The following PDE11A variants were observed in gnomAD, a reference collection of about 807,000 sequenced individuals.
PDE11A encodes dual 3',5'-cyclic-AMP and -GMP phosphodiesterase 11A.
Under a neutral mutation model 100.5 loss-of-function variants are expected in PDE11A, and 100 were observed. The ratio of observed to expected loss-of-function variants is 1.00; its 90% CI spans 0.85 to 1.18. The LOEUF is 1.18. Among genes scored for constraint, PDE11A ranks in the 50% most tolerant of loss-of-function variants. The pLI is 0.00. For missense variants in PDE11A, 1,141 were observed against 1,152.6 expected (o/e 0.99, Z 0.15); for synonymous variants, 381 against 420.8 (o/e 0.91, Z 1.16).
chr2:177,913,719 A>C (rs1276771875), intron 2 of PDE11A, among the ~76,000 whole-genome samples: 1 of 152,116 alleles, frequency 6.6e-6, no homozygotes, highest in African/African-American at 2.4e-5. Context: ...ATTCAAAGAG[A>C]ACTTACTTCA....
In PDE11A at chr2:177,784,745, C is replaced by T. The variant is rs139914599; in HGVS notation, c.1738-15372G>A. Among the ~76,000 whole-genome samples the T allele has an allele frequency of 5.6e-4, 86 of 152,264 alleles. No homozygotes were observed. In the East Asian group the frequency reaches 0.017, roughly 29 times the overall value. On this transcript the variant is annotated intron_variant, in intron 9 of 19. Transcript: ENST00000286063. ...GCTGAGTTCCAATTTTGAGGTTTGC[C>T]CTGTGACATCTTTGGCTTATGAAAG... is the stretch of plus-strand genomic sequence containing the variant.
intron 5 of PDE11A, among the ~76,000 whole-genome samples, chr2:177,865,211 G>A (rs2084007118): frequency 6.6e-6 from 1 of 152,062 alleles, no homozygotes; most frequent in Non-Finnish European, 1.5e-5. Context: ...CCAATAGACA[G>A]AGGTTGCCGT....
At chr2:178,013,593 TAAAC>T (rs1458262777) in intron 2 of PDE11A, among the ~76,000 whole-genome samples, 4 of 152,344 alleles carry the variant, frequency 2.6e-5, no homozygotes, top group South Asian at 2.1e-4. Context: ...TCATCAAACT[TAAAC>T]AAACTAATTT....
At chr2:178,090,653 T>G (rs899414805) in intron 2 of PDE11A, among the ~76,000 whole-genome samples, 1 of 152,218 alleles carries the variant, frequency 6.6e-6, no homozygotes, top group Non-Finnish European at 1.5e-5. Flanking sequence ...GGAGTTCAAG[T>G]GCTTTCTCAG....
intron 1 of PDE11A, among the ~76,000 whole-genome samples, chr2:178,038,049 T>A (rs1319106519): frequency 6.6e-6 from 1 of 151,900 alleles, no homozygotes; most frequent in Non-Finnish European, 1.5e-5. Flanking sequence ...AAAAAAAAAA[T>A]TGCTAAGGGT....
rs13385960 is a variant in PDE11A, at chr2:177,964,091, T to C, written c.1071+50211A>G. Among the ~76,000 whole-genome samples, 1,465 of 152,266 alleles carry C rather than the reference T, an allele frequency of 9.6e-3. 30 individuals carry two copies. Among genetic ancestry groups the C allele is most frequent in the African/African-American group, 0.034 (1,411 of 41,558 alleles). ...TCTATTATTTTCCAGGTGATACATATAAATAACTTGAAAAAGTCAAATAAT... is the reference window on the plus strand; with the variant it reads ...TCTATTATTTTCCAGGTGATACATACAAATAACTTGAAAAAGTCAAATAAT... On this transcript the variant is annotated intron_variant, in intron 2 of 19. Coordinates refer to ENST00000286063, the MANE Select transcript of PDE11A (RefSeq NM_016953.4).
rs5836640 is a variant in PDE11A at position 178,028,300 on chromosome 2, C to CAAA, written c.913-13843_913-13841dup. On this transcript the variant is annotated intron_variant, in intron 1 of 19. Coordinates refer to ENST00000286063, the MANE Select transcript of PDE11A (RefSeq NM_016953.4). ...GAAGTTATATAGTCACATGTTCCAT[C>CAAA]AAAAAAAAAAAAAAAAAATGGGGAC... Among the ~76,000 whole-genome samples the CAAA allele has an allele frequency of 5.3e-3, 693 of 131,396 alleles. 30 individuals are homozygous for CAAA. The highest frequency in any genetic ancestry group is 0.021 in the Middle Eastern group (5 of 242). The allele number at this position is 131,396 out of a possible 152,430, so 86.2% of individuals were successfully genotyped here. A position where few individuals can be genotyped will look rare whatever the true frequency, so the allele number is the denominator to read the frequency against.
intron 2 of PDE11A, among the ~76,000 whole-genome samples, chr2:178,084,224 T>G (rs2087321755): frequency 6.6e-6 from 1 of 152,244 alleles, no homozygotes; most frequent in Non-Finnish European, 1.5e-5. Flanking sequence ...AAAGACCATG[T>G]TTATTCTAAC....
At chr2:177,712,339 C>G (rs776702742) in intron 12 of PDE11A, among the ~76,000 whole-genome samples, 5 of 107,012 alleles carry the variant, frequency 4.7e-5, no homozygotes, top group Non-Finnish European at 9.8e-5. Context: ...GAACACAACC[C>G]TTCTTTTTTT....
intron 9 of PDE11A, among the ~76,000 whole-genome samples, chr2:177,801,628 C>T (rs963162582): frequency 6.6e-6 from 1 of 151,796 alleles, no homozygotes; most frequent in African/African-American, 2.4e-5. Context: ...AACAATGGTG[C>T]CAAAGTGATC....
intron 10 of PDE11A, among the ~76,000 whole-genome samples, chr2:177,748,773 C>T (rs1015657984): frequency 2.0e-5 from 3 of 152,134 alleles, no homozygotes; most frequent in Non-Finnish European, 4.4e-5. Context: ...TATTTCTGAT[C>T]GGACCATAAA....
intron 17 of PDE11A, 123 bp from the exon 18 acceptor site, chr2:177,669,690 A>G: frequency 1.4e-6 from 1 of 712,342 alleles, no homozygotes; most frequent in South Asian, 1.5e-5. Context: ...CTTATGAGGA[A>G]GTAAGTATAT....
chr2:177,872,347 G>A lies in PDE11A; in HGVS notation c.1367+3512C>T, dbSNP rs2084150980. On this transcript the variant is annotated intron_variant, in intron 5 of 19. Coordinates refer to ENST00000286063, the MANE Select transcript of PDE11A (RefSeq NM_016953.4). ...ACATAGTGAGAATCCTGTCACTAGA[G>A]GTGTTGCCAGTGATACCCTGGAAGA... Among the ~76,000 whole-genome samples, 3 of 152,306 alleles carry A rather than the reference G, an allele frequency of 2.0e-5. No individual in the cohort carries two copies. In the South Asian group the frequency reaches 6.2e-4, roughly 32 times the overall value.
At chr2:177,685,309 A>G (rs753701412) in intron 15 of PDE11A, among the ~76,000 whole-genome samples, 1 of 152,218 alleles carries the variant, frequency 6.6e-6, no homozygotes, top group Non-Finnish European at 1.5e-5. Flanking sequence ...CACAAAATCT[A>G]TTCAGGAAAA....
At position 178,071,524 on chromosome 2, in the gene PDE11A, A is replaced by T. The variant is rs1475543263; in HGVS notation, c.912+2T>A. On this transcript the variant is annotated splice_donor_variant, in intron 1 of 19. Transcript: ENST00000286063. LOFTEE classifies it high-confidence loss of function. ...GGAGAAGGGGACAATGCAAAGTCCT[A>T]CCTGGTAGGCATCAGGAATGTTGAC... The T allele has an allele frequency of 6.2e-7, 1 of 1,612,618 alleles. No homozygotes were observed. Among genetic ancestry groups the T allele is most frequent in the Non-Finnish European group, 8.5e-7 (1 of 1,178,758 alleles).
intron 9 of PDE11A, among the ~76,000 whole-genome samples, chr2:177,815,922 C>T (rs7569826): frequency 0.1 from 15,729 of 152,148 alleles, 1,067 homozygotes; most frequent in Non-Finnish European, 0.15. Context: ...GTAAAATCTA[C>T]AGAGCAGGCC....
Position 177,898,143 on chromosome 2 carries a change from A to G in PDE11A, c.1217T>C (p.Ile406Thr), listed in dbSNP as rs780299077. ...LFEEQTDLEK[I>T]VKKIMHRAQT... ...GGCCCGATGCATTATTTTCTTGACA[A>G]TTTTCTCCAGGTCAGTCTGTTCTTC... The change falls in exon 4 of 20, where the codon ATT (isoleucine) becomes ACT (threonine). Residue 406 changes from isoleucine (I) to threonine (T), a missense_variant. Physicochemically the swap from Ile to Thr is moderately conservative, Grantham distance 89 (BLOSUM62 -1). Transcript: ENST00000286063. 4 of 1,610,656 alleles carry G rather than the reference A, an allele frequency of 2.5e-6. No individual in the cohort carries two copies. Among genetic ancestry groups the G allele is most frequent in the East Asian group, 4.5e-5 (2 of 44,850 alleles).
At chr2:177,631,599 A>G (rs199875262) in intron 19 of PDE11A, among the ~76,000 whole-genome samples, 3,417 of 74,550 alleles carry the variant, frequency 0.046, 462 homozygotes, top group African/African-American at 0.17. Flanking sequence ...ACACATATAT[A>G]TGTGTGTATA....
At chr2:177,772,714 A>T (rs891513023) in intron 9 of PDE11A, among the ~76,000 whole-genome samples, 2 of 82,596 alleles carry the variant, frequency 2.4e-5, no homozygotes, top group Admixed American at 1.0e-4. Context: ...TCCTTTATTT[A>T]AAAAAAAAAA....
Sources: gnomAD v4.1 joint callset for allele counts (sites outside exome capture counted in the v4.1 genomes callset) on GRCh38, gnomAD v4.1.1 for gene constraint, MANE v1.5 for transcripts, NCBI Gene and HGNC (gene_info 2026-07-23, HGNC 2026-07-21) for gene names.